The following GRM5 variants were observed in gnomAD, a reference collection of about 807,000 sequenced individuals.
GRM5 encodes glutamate metabotropic receptor 5, also known as metabotropic glutamate receptor 5.
In GRM5, 19 loss-of-function variants were observed where a neutral mutation model predicts 83.1. The ratio of observed to expected loss-of-function variants is 0.23; its 90% CI spans 0.16 to 0.34. The LOEUF is 0.34. GRM5 is among the 10% of genes least tolerant of loss of function. The probability of loss-of-function intolerance (pLI) is 1.00; values close to 1 mark genes in which losing one functional copy is unlikely to be tolerated. For synonymous variants in GRM5, 675 were observed against 633.6 expected, an observed-to-expected ratio of 1.07 and a Z score of -0.98; for missense variants, 1,160 against 1,588.3, an observed-to-expected ratio of 0.73 and a Z score of 4.58.
intron 3 of GRM5, among the ~76,000 whole-genome samples, chr11:88,686,044 C>T (rs531380498): frequency 4.3e-4 from 65 of 152,178 alleles, no homozygotes; most frequent in African/African-American, 7.2e-4. Context: ...GTAGATCCAC[C>T]GACAGCTTGC....
chr11:88,508,786 C>T lies in GRM5; in HGVS notation c.3445G>A (p.Glu1149Lys), dbSNP rs540630921. The change falls in exon 10 of 10, where the codon GAG (glutamate) becomes AAG (lysine). Residue 1149 changes from glutamate (E) to lysine (K), a missense_variant. Glu to Lys is a moderately conservative substitution (Grantham distance 56). This residue lies in a region of GRM5 where 562 missense variants were observed against 532.4 expected (regional missense o/e 1.06). Transcript: ENST00000305447. This position sits in a 1 kb window ranked among gnomAD's most constrained non-coding sequence, Gnocchi z 4.2. ...AARESPAAGPEAAAAKPDLEE... is the reference protein window; with the variant it reads ...AARESPAAGPKAAAAKPDLEE... ...AGGTCTGGCTTGGCGGCCGCAGCCT[C>T]GGGACCGGCCGCGGGGCTCTCCCGG... The T allele has an allele frequency of 5.5e-6, 8 of 1,457,456 alleles. No homozygotes were observed. The highest frequency in any genetic ancestry group is 2.9e-5 in the Admixed American group (1 of 34,270). The allele number at this position is 1,457,456 out of a possible 1,614,324, so 90.3% of individuals were successfully genotyped here.
intron 1 of GRM5, among the ~76,000 whole-genome samples, chr11:89,050,011 C>T (rs2135154630): frequency 6.6e-6 from 1 of 152,270 alleles, no homozygotes; most frequent in South Asian, 2.1e-4. Context: ...CAAAACACGA[C>T]TCATTTTTTA....
intron 2 of GRM5, among the ~76,000 whole-genome samples, chr11:88,990,971 C>G (rs1340834586): frequency 6.6e-6 from 1 of 152,200 alleles, no homozygotes; most frequent in Non-Finnish European, 1.5e-5. Flanking sequence ...GATGCCCTCT[C>G]TCACCACTCC....
At chr11:88,914,757 T>C (rs1317546533) in intron 2 of GRM5, among the ~76,000 whole-genome samples, 2 of 152,214 alleles carry the variant, frequency 1.3e-5, no homozygotes, top group African/African-American at 4.8e-5. Flanking sequence ...CACTTTACTT[T>C]CAAGGAAAAT....
At chr11:88,867,796 C>T (rs912436344) in intron 2 of GRM5, among the ~76,000 whole-genome samples, 1 of 151,702 alleles carries the variant, frequency 6.6e-6, no homozygotes, top group Non-Finnish European at 1.5e-5. Flanking sequence ...CTATTGAGAC[C>T]TTGTTCTTGG....
At chr11:88,986,209 T>A (rs560993429) in intron 2 of GRM5, among the ~76,000 whole-genome samples, 5 of 152,262 alleles carry the variant, frequency 3.3e-5, no homozygotes, top group Admixed American at 1.3e-4. Flanking sequence ...ACAACTAATA[T>A]AATCTCTAGA....
intron 3 of GRM5, among the ~76,000 whole-genome samples, chr11:88,831,930 G>A (rs1191528501): frequency 6.6e-6 from 1 of 152,164 alleles, no homozygotes; most frequent in African/African-American, 2.4e-5. Context: ...TAACATTGGT[G>A]CCAGTGAATG....
rs1226971214 is a variant in GRM5, at chr11:88,558,518, G to A, written c.2630+8535C>T. Among the ~76,000 whole-genome samples the A allele has an allele frequency of 4.6e-5, 7 of 152,136 alleles. No homozygotes were observed. In the East Asian group the frequency reaches 1.2e-3, roughly 25 times the overall value. ...TCACAGGCTGCACTCCTGTAATTTTGTTCTAAGGGGAGAGAGTGGGAAAGG... is the reference window on the plus strand; with the variant it reads ...TCACAGGCTGCACTCCTGTAATTTTATTCTAAGGGGAGAGAGTGGGAAAGG... On this transcript the variant is annotated intron_variant, in intron 8 of 9. Coordinates refer to ENST00000305447, the MANE Select transcript of GRM5 (RefSeq NM_001143831.3).
chr11:88,846,567 G>T, intron 3 of GRM5, among the ~76,000 whole-genome samples: 1 of 152,194 alleles, frequency 6.6e-6, no homozygotes, highest in Non-Finnish European at 1.5e-5. Flanking sequence ...GTCCTGCCAA[G>T]CACTTAAGTT....
chr11:88,624,331 G>C (rs1420953337), intron 4 of GRM5, among the ~76,000 whole-genome samples: 1 of 152,188 alleles, frequency 6.6e-6, no homozygotes, highest in Non-Finnish European at 1.5e-5. Context: ...TAGTAATTCT[G>C]TGTAGAGAAA....
At chr11:88,544,131 A>T (rs1942339363) in intron 8 of GRM5, among the ~76,000 whole-genome samples, 1 of 152,060 alleles carries the variant, frequency 6.6e-6, no homozygotes, top group Non-Finnish European at 1.5e-5. Flanking sequence ...CCACCATGGG[A>T]TGACCCTCCC....
chr11:89,042,851 C>T (rs1308357374), intron 2 of GRM5, among the ~76,000 whole-genome samples: 1 of 146,768 alleles, frequency 6.8e-6, no homozygotes, highest in East Asian at 1.9e-4. Context: ...CCTGAAATTG[C>T]AATCTCTAGG....
At chr11:88,699,367 C>A (rs1408277497) in intron 3 of GRM5, among the ~76,000 whole-genome samples, 2 of 152,110 alleles carry the variant, frequency 1.3e-5, no homozygotes, top group African/African-American at 4.8e-5. Context: ...ATTTCCTAGG[C>A]CTTATCTCTT....
chr11:88,524,541 A>T (rs1361902445), intron 9 of GRM5, among the ~76,000 whole-genome samples: 1 of 152,182 alleles, frequency 6.6e-6, no homozygotes, highest in African/African-American at 2.4e-5. Context: ...CTTAAAACCA[A>T]ATCCCATGCA....
chr11:88,673,892 GAA>G (rs59032979), intron 3 of GRM5, among the ~76,000 whole-genome samples: 44,537 of 147,044 alleles, frequency 0.3, 7,491 homozygotes, highest in African/African-American at 0.47. Flanking sequence ...ACACTATTTT[GAA>G]AAAAAAAAAA....
At chr11:88,933,561 C>T (rs1411962043) in intron 2 of GRM5, among the ~76,000 whole-genome samples, 2 of 151,842 alleles carry the variant, frequency 1.3e-5, no homozygotes, top group African/African-American at 2.4e-5. Context: ...GTAGTGTTCT[C>T]AATTTATCAC....
chr11:88,700,790 T>A (rs1941014862), intron 3 of GRM5, among the ~76,000 whole-genome samples: 2 of 152,102 alleles, frequency 1.3e-5, no homozygotes. Flanking sequence ...TACCAGAAAC[T>A]GCTACACATA....
chr11:89,029,154 C>A (rs1591061835), intron 2 of GRM5, among the ~76,000 whole-genome samples: 2 of 152,312 alleles, frequency 1.3e-5, no homozygotes, highest in African/African-American at 2.4e-5. Flanking sequence ...TTTATATGTG[C>A]CACATTTTCC....
intron 2 of GRM5, among the ~76,000 whole-genome samples, chr11:88,935,226 T>C (rs1267252525): frequency 6.6e-6 from 1 of 151,870 alleles, no homozygotes; most frequent in Non-Finnish European, 1.5e-5. Flanking sequence ...TCCAAAGCAA[T>C]TGTGTTGGCT....
Sources: gnomAD v4.1 joint callset for allele counts (sites outside exome capture counted in the v4.1 genomes callset) on GRCh38, gnomAD v4.1.1 for gene constraint, gnomAD v4.1.1 regional missense constraint, Gnocchi (gnomAD v3.1) non-coding constraint, MANE v1.5 for transcripts, NCBI Gene and HGNC (gene_info 2026-07-23, HGNC 2026-07-21) for gene names.